Variants in LRFN2 observed in about 807,000 individuals in gnomAD.
The protein encoded by LRFN2 is leucine rich repeat and fibronectin type III domain containing 2.
LRFN2 carries 18 observed loss-of-function variants against 37.3 expected under a neutral mutation model. The ratio of observed to expected loss-of-function variants is 0.48; its 90% CI spans 0.33 to 0.72. The LOEUF (loss-of-function observed/expected upper bound fraction) is 0.72. LRFN2 is among the 30% of genes least tolerant of loss of function. The probability of loss-of-function intolerance (pLI) is 0.02; values close to 1 mark genes in which losing one functional copy is unlikely to be tolerated. For synonymous variants in LRFN2, 556 were observed against 466.6 expected, an observed-to-expected ratio of 1.19 and a Z score of -2.47; for missense variants, 1,006 against 1,060.7, an observed-to-expected ratio of 0.95 and a Z score of 0.72.
intron 1 of LRFN2, among the ~76,000 whole-genome samples, chr6:40,472,070 G>T (rs186575362): frequency 6.6e-6 from 1 of 152,114 alleles, no homozygotes; most frequent in African/African-American, 2.4e-5. Context: ...TGAGCTCCCC[G>T]GTGTGTGTGT....
At chr6:40,451,760 T>C (rs890987543) in intron 1 of LRFN2, among the ~76,000 whole-genome samples, 1 of 152,190 alleles carries the variant, frequency 6.6e-6, no homozygotes, top group Non-Finnish European at 1.5e-5. Flanking sequence ...CCTAGTCACA[T>C]GTGTAGCTCT....
chr6:40,495,899 C>G (rs1231092598), intron 1 of LRFN2, among the ~76,000 whole-genome samples: 4 of 152,178 alleles, frequency 2.6e-5, no homozygotes, highest in African/African-American at 9.6e-5. Context: ...CCTCCAAACC[C>G]CACTGAAAAT....
chr6:40,573,651 T>C (rs989317629), intron 1 of LRFN2, among the ~76,000 whole-genome samples: 1 of 152,146 alleles, frequency 6.6e-6, no homozygotes, highest in African/African-American at 2.4e-5. Flanking sequence ...GCCCAACTCA[T>C]CCTAGTTGGC....
intron 1 of LRFN2, among the ~76,000 whole-genome samples, chr6:40,585,042 G>GAAGT (rs1370526224): frequency 2.0e-5 from 3 of 151,962 alleles, no homozygotes; most frequent in Non-Finnish European, 4.4e-5. Flanking sequence ...CACGTTTCTG[G>GAAGT]GCCTGAGCAA....
intron 1 of LRFN2, among the ~76,000 whole-genome samples, chr6:40,446,309 A>G (rs533082789): frequency 6.6e-6 from 1 of 152,324 alleles, no homozygotes; most frequent in Admixed American, 6.5e-5. Flanking sequence ...TTTTAATTTT[A>G]ATGAAGGAAG....
chr6:40,562,835 T>TCACA lies in LRFN2; in HGVS notation c.-19+24102_-19+24105dup, dbSNP rs773357501. Among the ~76,000 whole-genome samples the TCACA allele has an allele frequency of 2.4e-3, 307 of 125,704 alleles. 1 individual carries two copies. Among genetic ancestry groups the TCACA allele is most frequent in the East Asian group, 6.0e-3 (27 of 4,518 alleles). 82.5% of individuals were successfully genotyped at this position (125,704 alleles called of 152,430 possible). ...AGCGTGCTTATGTGCGTGCACTCAC[T>TCACA]CACACACACACACACACACACACAC... On this transcript the variant is annotated intron_variant, in intron 1 of 2. Transcript: ENST00000338305.
chr6:40,439,239 A>T (rs146801379), intron 1 of LRFN2, among the ~76,000 whole-genome samples: 1 of 152,300 alleles, frequency 6.6e-6, no homozygotes, highest in African/African-American at 2.4e-5. Flanking sequence ...CCTGTAAATC[A>T]AGTAAGATGC....
chr6:40,410,325 G>T (rs1462667056), intron 2 of LRFN2, among the ~76,000 whole-genome samples: 7 of 152,148 alleles, frequency 4.6e-5, no homozygotes, highest in African/African-American at 1.7e-4. Flanking sequence ...TGGAAGAGGG[G>T]TGATGGGAGC....
At chr6:40,516,222 GC>G (rs1765867953) in intron 1 of LRFN2, 1 of 152,234 alleles carries the variant, frequency 6.6e-6, no homozygotes, top group African/African-American at 2.4e-5. Flanking sequence ...CAGTGACTCA[GC>G]ACAGTCTAAG....
At chr6:40,500,930 G>T (rs1765366718) in intron 1 of LRFN2, among the ~76,000 whole-genome samples, 1 of 146,738 alleles carries the variant, frequency 6.8e-6, no homozygotes, top group Non-Finnish European at 1.5e-5. Flanking sequence ...TTTTCCTTTT[G>T]TACGCTTCTG....
chr6:40,399,684 C>G (rs957256423), intron 2 of LRFN2, among the ~76,000 whole-genome samples: 4 of 151,678 alleles, frequency 2.6e-5, no homozygotes, highest in Admixed American at 2.6e-4. Flanking sequence ...ACCATCCGCC[C>G]GCCTTGGCTT....
intron 1 of LRFN2, among the ~76,000 whole-genome samples, chr6:40,576,935 G>A (rs893696033): frequency 1.3e-5 from 2 of 151,690 alleles, no homozygotes; most frequent in Non-Finnish European, 2.9e-5. Flanking sequence ...TCCCACCCTA[G>A]ATACTGACCC....
In LRFN2 at chr6:40,391,931, G is replaced by A. The variant is rs998855914; in HGVS notation, c.*12C>T. ...ACCCTGCGCACAGGAAAGGGAGCAT[G>A]CCCACCCCCACCTAGACCGTGCTCT... On this transcript the variant is annotated 3_prime_UTR_variant, in exon 3 of 3. Coordinates refer to ENST00000338305, the MANE Select transcript of LRFN2 (RefSeq NM_020737.3). 3.3e-6 allele frequency: 5 copies of A among 1,528,830 alleles called. No homozygotes were observed. The highest frequency in any genetic ancestry group is 4.1e-5 in the Admixed American group (2 of 48,626). The allele number at this position is 1,528,830 out of a possible 1,614,324, so 94.7% of individuals were successfully genotyped here.
At chr6:40,543,017 A>T (rs1010259655) in intron 1 of LRFN2, among the ~76,000 whole-genome samples, 1 of 152,228 alleles carries the variant, frequency 6.6e-6, no homozygotes, top group African/African-American at 2.4e-5. Context: ...TAGATGTTTC[A>T]TCTGCAAAAT....
At chr6:40,486,838 CAT>C (rs1203645227) in intron 1 of LRFN2, among the ~76,000 whole-genome samples, 1 of 152,146 alleles carries the variant, frequency 6.6e-6, no homozygotes, top group Non-Finnish European at 1.5e-5. Flanking sequence ...TATTTAAAGA[CAT>C]ATCTCAAGTG....
rs1763666228 is a variant in LRFN2, at chr6:40,436,056, A to G, written c.-18-2925T>C. Among the ~76,000 whole-genome samples the G allele has an allele frequency of 2.0e-5, 3 of 152,326 alleles. No individual in the cohort carries two copies. In the East Asian group the frequency reaches 5.8e-4, roughly 29 times the overall value. On this transcript the variant is annotated intron_variant, in intron 1 of 2. Transcript: ENST00000338305. ...ATATTTTTTAAAAAAGTAAAAAGAA[A>G]CAGGTGAAATTAATTTTGATAATGT...
At chr6:40,468,523 G>A (rs962769690) in intron 1 of LRFN2, among the ~76,000 whole-genome samples, 1 of 152,128 alleles carries the variant, frequency 6.6e-6, no homozygotes, top group Non-Finnish European at 1.5e-5. Context: ...TGGGTGGTGG[G>A]ATTGTGTGCA....
At chr6:40,576,702 A>G (rs963299580) in intron 1 of LRFN2, among the ~76,000 whole-genome samples, 1 of 152,204 alleles carries the variant, frequency 6.6e-6, no homozygotes, top group South Asian at 2.1e-4. Flanking sequence ...GAAGGAGCTC[A>G]GGGCCTTGAC....
intron 1 of LRFN2, among the ~76,000 whole-genome samples, chr6:40,450,041 C>A (rs760171963): frequency 4.6e-5 from 7 of 152,200 alleles, no homozygotes; most frequent in Non-Finnish European, 1.0e-4. Context: ...GCAGAAGGAG[C>A]TGACACAGAC....
Sources: allele counts gnomAD v4.1 joint callset (sites outside exome capture counted in the v4.1 genomes callset), GRCh38; gene constraint gnomAD v4.1.1; transcripts MANE v1.5; gene names NCBI Gene and HGNC (gene_info 2026-07-23, HGNC 2026-07-21).